The following MLIP variants were observed in gnomAD, a reference collection of about 807,000 sequenced individuals.
The protein encoded by MLIP is muscular LMNA-interacting protein.
Under a neutral mutation model 84.8 loss-of-function variants are expected in MLIP, and 79 were observed. The observed-to-expected ratio is 0.93, with a 90% CI of 0.78 to 1.12. The LOEUF is 1.12. MLIP is among the 50% of genes most tolerant of loss of function. MLIP has a pLI of 0.00. For missense variants in MLIP, 1,257 were observed against 1,160.6 expected (o/e 1.08, Z -1.21); for synonymous variants, 504 against 463.0 (o/e 1.09, Z -1.14).
rs374792221 is a variant in MLIP at position 54,069,073 on chromosome 6, T to G, written c.63+49982T>G. Reference sequence around the variant, plus strand: ...CACAGCTAGTGCTGATTGTCCTGACTGGTATGGGGATGCATCCGCAGGTCA... The same window carrying G: ...CACAGCTAGTGCTGATTGTCCTGACGGGTATGGGGATGCATCCGCAGGTCA... On this transcript the variant is annotated intron_variant, in intron 1 of 12. Transcript: ENST00000274897. 2.0e-5 allele frequency among the ~76,000 whole-genome samples: 2 copies of G among 101,632 alleles called. 1 individual carries two copies. Among genetic ancestry groups the G allele is most frequent in the African/African-American group, 5.1e-5 (2 of 39,512 alleles). The allele number at this position is 101,632 out of a possible 152,430, so 66.7% of individuals were successfully genotyped here.
rs1776799417 is a variant in MLIP at position 54,181,004 on chromosome 6, G to A, written c.2545-8866G>A. On this transcript the variant is annotated intron_variant, in intron 9 of 13. Coordinates refer to ENST00000502396, the MANE Select transcript of MLIP (RefSeq NM_001281747.2). ...TTTGAATTATCAGGCAGAGACTTTT[G>A]GTTTCTTCCCTTACTTTCTCTCAGA... Among the ~76,000 whole-genome samples the A allele has an allele frequency of 2.6e-5, 4 of 152,074 alleles. No homozygotes were observed. The South Asian group carries it at 8.3e-4, about 32-fold the overall frequency.
intron 9 of MLIP, among the ~76,000 whole-genome samples, chr6:54,187,179 A>C (rs1056203646): frequency 1.3e-5 from 2 of 152,196 alleles, no homozygotes; most frequent in African/African-American, 4.8e-5. Flanking sequence ...ATGAGGCAAT[A>C]AAATGGTAAC....
intron 12 of MLIP, among the ~76,000 whole-genome samples, chr6:54,250,132 G>C (rs9464045): frequency 0.078 from 11,838 of 152,088 alleles, 589 homozygotes; most frequent in East Asian, 0.21. Context: ...CTGATCATTA[G>C]AGAAATGCAA....
In MLIP at chr6:54,137,457, A is replaced by C; in HGVS notation, c.1388A>C (p.Lys463Thr). 2 of 1,535,970 alleles carry C rather than the reference A, an allele frequency of 1.3e-6. No individual in the cohort carries two copies. The highest frequency in any genetic ancestry group is 1.7e-6 in the Non-Finnish European group (2 of 1,146,844). Residue 463 changes from lysine (K) to threonine (T), a missense_variant, in exon 4 of 14, where the codon AAA becomes ACA. Coordinates refer to ENST00000502396, the MANE Select transcript of MLIP (RefSeq NM_001281747.2). ...QKEKQTPPTP[K>T]KSLSSCSLRA... ...GAAAAGCAGACCCCACCCACGCCTA[A>C]AAAATCTCTCTCAAGTTGTTCCCTG...
At chr6:54,066,504 T>C (rs1246499117) in intron 1 of MLIP, among the ~76,000 whole-genome samples, 1 of 96,266 alleles carries the variant, frequency 1.0e-5, no homozygotes, top group Admixed American at 1.0e-4. Flanking sequence ...TGTCGGTGTG[T>C]GTGTTTGCAT....
intron 3 of MLIP, among the ~76,000 whole-genome samples, chr6:54,127,406 A>T (rs1230223378): frequency 1.3e-5 from 2 of 152,182 alleles, no homozygotes; most frequent in Non-Finnish European, 2.9e-5. Context: ...AGTGAAAAAA[A>T]TGAAATATTC....
chr6:54,030,580 T>TG (rs386407106), intron 1 of MLIP: 4 of 151,810 alleles, frequency 2.6e-5, no homozygotes, highest in Non-Finnish European at 4.4e-5. Context: ...CAACTATTTT[T>TG]TTTTTTCTGT....
chr6:54,170,019 C>T lies in MLIP; in HGVS notation c.2544+447C>T, dbSNP rs1318063928. On this transcript the variant is annotated intron_variant, in intron 9 of 13. Coordinates refer to ENST00000502396, the MANE Select transcript of MLIP (RefSeq NM_001281747.2). ...AATTATTAACAAATAAACCAATTTC[C>T]ACTTATGAGCAAAAGTGGATAGATA... Among the ~76,000 whole-genome samples, 4 of 151,590 alleles carry T rather than the reference C, an allele frequency of 2.6e-5. No homozygotes were observed. In the East Asian group the frequency reaches 7.8e-4, roughly 29 times the overall value.
At chr6:54,101,162 A>C (rs1304648357) in intron 1 of MLIP, among the ~76,000 whole-genome samples, 2 of 152,136 alleles carry the variant, frequency 1.3e-5, no homozygotes, top group African/African-American at 2.4e-5. Flanking sequence ...GTTTGTAAAA[A>C]TCTTTTGGAT....
intron 12 of MLIP, among the ~76,000 whole-genome samples, chr6:54,234,577 AAGTGGTCAATAGCCACT>A (rs1475322215): frequency 1.3e-5 from 2 of 152,048 alleles, no homozygotes; most frequent in Non-Finnish European, 2.9e-5. Flanking sequence ...CTTTCTCTCA[AAGTGGTCAATAGCCACT>A]ATCTCCATCC....
chr6:54,239,211 T>C (rs1034424776), intron 12 of MLIP, among the ~76,000 whole-genome samples: 6 of 151,808 alleles, frequency 4.0e-5, no homozygotes, highest in African/African-American at 1.5e-4. Context: ...GAACCCCTCA[T>C]AGCCTGAACA....
At chr6:54,090,917 A>G (rs1266230345) in intron 1 of MLIP, among the ~76,000 whole-genome samples, 1 of 152,132 alleles carries the variant, frequency 6.6e-6, no homozygotes, top group Non-Finnish European at 1.5e-5. Flanking sequence ...AAAATGTATC[A>G]TTGTTCTAAT....
At chr6:54,144,628 C>CTT (rs1365840834) in intron 4 of MLIP, among the ~76,000 whole-genome samples, 3 of 152,190 alleles carry the variant, frequency 2.0e-5, no homozygotes, top group African/African-American at 7.2e-5. Flanking sequence ...GGAGGCAGAG[C>CTT]TTAGGCAGTC....
In MLIP at chr6:54,193,005, T is replaced by C. The variant is rs1778051972; in HGVS notation, c.2589+3091T>C. On this transcript the variant is annotated intron_variant, in intron 10 of 13. Coordinates refer to ENST00000502396, the MANE Select transcript of MLIP (RefSeq NM_001281747.2). ...TTTTCATGCTTTCAAATTTTTAACT[T>C]GGCTGATCTGTTTGCTTGCTTTTAT... Among the ~76,000 whole-genome samples the C allele has an allele frequency of 3.3e-5, 5 of 152,356 alleles. No homozygotes were observed. The South Asian group carries it at 1.0e-3, about 32-fold the overall frequency.
chr6:54,028,208 G>T (rs1763929437), intron 1 of MLIP, among the ~76,000 whole-genome samples: 1 of 152,026 alleles, frequency 6.6e-6, no homozygotes, highest in South Asian at 2.1e-4. Flanking sequence ...TTTCTCAAGG[G>T]TCCTTTTATT....
At chr6:54,140,284 G>A (rs1286482546) in intron 4 of MLIP, among the ~76,000 whole-genome samples, 2 of 152,176 alleles carry the variant, frequency 1.3e-5, no homozygotes, top group Admixed American at 1.3e-4. Context: ...TAGTCAGAGA[G>A]TTGGAAGAGG....
chr6:54,115,292 G>A (rs1184133597), intron 1 of MLIP, among the ~76,000 whole-genome samples: 1 of 152,178 alleles, frequency 6.6e-6, no homozygotes, highest in African/African-American at 2.4e-5. Context: ...TGATATAAAG[G>A]AGGACAAGGG....
Position 54,230,890 on chromosome 6 carries a change from C to T in MLIP, c.2895C>T (p.Thr965=). ...SLSDEQENSH[T]LLSHNACNKL... ...GTGATGAACAGGAGAATTCTCACAC[C>T]CTCCTCAGTCACAACGCATGCAACA... Residue 965 remains threonine (T), a synonymous_variant, in exon 12 of 14, where the codon ACC becomes ACT. Coordinates refer to ENST00000502396, the MANE Select transcript of MLIP (RefSeq NM_001281747.2). 1 of 1,613,986 alleles carries T rather than the reference C, an allele frequency of 6.2e-7. No homozygotes were observed. Among genetic ancestry groups the T allele is most frequent in the Non-Finnish European group, 8.5e-7 (1 of 1,179,936 alleles).
intron 3 of MLIP, among the ~76,000 whole-genome samples, chr6:54,127,624 C>T (rs982327690): frequency 6.6e-6 from 1 of 151,998 alleles, no homozygotes; most frequent in African/African-American, 2.4e-5. Flanking sequence ...AAAGTTTTTA[C>T]AGGTAAAGCC....
Sources: gnomAD v4.1 joint callset for allele counts (sites outside exome capture counted in the v4.1 genomes callset) on GRCh38, gnomAD v4.1.1 for gene constraint, MANE v1.5 for transcripts, NCBI Gene and HGNC (gene_info 2026-07-23, HGNC 2026-07-21) for gene names.